The following EFCAB6 variants were observed in gnomAD, a reference collection of about 807,000 sequenced individuals.
EFCAB6 encodes EF-hand calcium-binding domain-containing protein 6.
EFCAB6 carries 156 observed loss-of-function variants against 169.8 expected under a neutral mutation model. The observed-to-expected ratio is 0.92, with a 90% confidence interval of 0.81 to 1.05. EFCAB6 has a LOEUF of 1.05. Among genes scored for constraint, EFCAB6 ranks in the 50% least tolerant of loss-of-function variants. EFCAB6 has a pLI of 0.00. For synonymous variants in EFCAB6, 698 were observed against 676.4 expected, an observed-to-expected ratio of 1.03 and a Z score of -0.50; for missense variants, 1,800 against 1,829.1, an observed-to-expected ratio of 0.98 and a Z score of 0.29.
At chr22:43,755,245 C>T (rs578177356) in intron 6 of EFCAB6, among the ~76,000 whole-genome samples, 19 of 152,364 alleles carry the variant, frequency 1.2e-4, no homozygotes, top group African/African-American at 4.6e-4. Flanking sequence ...TCCTCCCCGC[C>T]TTAGCTGTGT....
intron 25 of EFCAB6, 72 bp downstream of exon 25, chr22:43,580,392 A>G: frequency 6.6e-7 from 1 of 1,522,238 alleles, no homozygotes; most frequent in Non-Finnish European, 9.0e-7. Flanking sequence ...GAGGGGTTTC[A>G]GGGTGGGGCT....
chr22:43,775,519 T>C (rs1173139465), intron 3 of EFCAB6, among the ~76,000 whole-genome samples: 2 of 152,178 alleles, frequency 1.3e-5, no homozygotes, highest in Non-Finnish European at 2.9e-5. Context: ...CTTGGCTCAC[T>C]GCAACCTCCA....
At position 43,783,937 on chromosome 22, in the gene EFCAB6, G is replaced by A. The variant is rs545057258; in HGVS notation, c.-7-1612C>T. ...TAAAGAAGATTGACCAGGCATGGTG[G>A]CATGCACCCATGGTCTCAGCCACCA... On this transcript the variant is annotated intron_variant, in intron 2 of 31. Coordinates refer to ENST00000262726, the MANE Select transcript of EFCAB6 (RefSeq NM_022785.4). Among the ~76,000 whole-genome samples the A allele has an allele frequency of 3.3e-5, 5 of 152,190 alleles. No individual in the cohort carries two copies. In the East Asian group the frequency reaches 9.7e-4, roughly 29 times the overall value.
rs34928477 is a variant in EFCAB6 at position 43,791,371 on chromosome 22, CA to C, written c.-7-9047del. Among the ~76,000 whole-genome samples the C allele has an allele frequency of 4.5e-3, 522 of 114,890 alleles. 1 individual carries two copies. Among genetic ancestry groups the C allele is most frequent in the East Asian group, 0.011 (35 of 3,278 alleles). 75.4% of individuals were successfully genotyped at this position (114,890 alleles called of 152,430 possible). The stretch of plus-strand genomic sequence containing the variant: ...CTGGGTGATAGAAGTGAGACTGCCT[CA>C]AAAAAAAAAAAAAAGTTTCGGAATT... On this transcript the variant is annotated intron_variant, in intron 2 of 31. Coordinates refer to ENST00000262726, the MANE Select transcript of EFCAB6 (RefSeq NM_022785.4).
rs2061877269 is a variant in EFCAB6, at chr22:43,782,861, C to T, written c.-7-536G>A. ...AGCAATCTGGGGAGCATTTATTCCC[C>T]CAAAATGGCTGAATCTCAATATGAA... On this transcript the variant is annotated intron_variant, in intron 2 of 31. Transcript: ENST00000262726. 2.0e-5 allele frequency among the ~76,000 whole-genome samples: 3 copies of T among 152,124 alleles called. No homozygotes were observed. The South Asian group carries it at 6.2e-4, about 32-fold the overall frequency.
intron 26 of EFCAB6, among the ~76,000 whole-genome samples, chr22:43,557,663 C>T (rs2048787877): frequency 6.6e-6 from 1 of 151,868 alleles, no homozygotes; most frequent in South Asian, 2.1e-4. Flanking sequence ...AGTCATATTC[C>T]AATTATTGTA....
chr22:43,748,120 C>G (rs957380590), intron 6 of EFCAB6, among the ~76,000 whole-genome samples: 2 of 152,072 alleles, frequency 1.3e-5, no homozygotes, highest in African/African-American at 4.8e-5. Flanking sequence ...AGAGGGTGAC[C>G]GATGACTTCC....
chr22:43,741,693 A>T (rs1018742422), intron 6 of EFCAB6, among the ~76,000 whole-genome samples: 1 of 152,214 alleles, frequency 6.6e-6, no homozygotes, highest in African/African-American at 2.4e-5. Context: ...ATACATGCAG[A>T]GTGGATTCGC....
At chr22:43,748,823 T>A (rs1272846749) in intron 6 of EFCAB6, among the ~76,000 whole-genome samples, 2 of 152,168 alleles carry the variant, frequency 1.3e-5, no homozygotes, top group East Asian at 1.9e-4. Flanking sequence ...GAGAGCTCTC[T>A]CGGGCAGAGC....
At chr22:43,775,725 T>C (rs777876672) in intron 3 of EFCAB6, among the ~76,000 whole-genome samples, 2 of 152,200 alleles carry the variant, frequency 1.3e-5, no homozygotes, top group Non-Finnish European at 2.9e-5. Flanking sequence ...ATTACAGGCG[T>C]GAGCCACCGC....
intron 20 of EFCAB6, among the ~76,000 whole-genome samples, chr22:43,625,608 CTG>C (rs1440312385): frequency 6.6e-6 from 1 of 152,196 alleles, no homozygotes; most frequent in Non-Finnish European, 1.5e-5. Flanking sequence ...CAGCTGGACA[CTG>C]AGATTCTCCT....
chr22:43,675,386 C>G (rs1274433687), intron 13 of EFCAB6, among the ~76,000 whole-genome samples: 1 of 47,844 alleles, frequency 2.1e-5, no homozygotes, highest in East Asian at 1.4e-3. Flanking sequence ...CTATATTATA[C>G]TATAATATAT....
At chr22:43,605,594 GA>G (rs137716) in intron 22 of EFCAB6, among the ~76,000 whole-genome samples, 152,156 of 152,158 alleles carry the variant, frequency 1, 76,077 homozygotes, top group Non-Finnish European at 1. Context: ...AGTGAGCTGA[GA>G]ATCGTGCCAC....
At chr22:43,596,433 T>C (rs1157937786) in intron 23 of EFCAB6, among the ~76,000 whole-genome samples, 1 of 152,020 alleles carries the variant, frequency 6.6e-6, no homozygotes, top group Non-Finnish European at 1.5e-5. Flanking sequence ...CAAAAATCAG[T>C]AGCATTTCTA....
chr22:43,811,379 G>GGAGA (rs2063119547), intron 1 of EFCAB6, among the ~76,000 whole-genome samples: 1 of 136,836 alleles, frequency 7.3e-6, no homozygotes, highest in Non-Finnish European at 1.6e-5. Context: ...GGGAAGGGAG[G>GGAGA]GGAGGGGAGG....
intron 8 of EFCAB6, among the ~76,000 whole-genome samples, chr22:43,726,187 T>C (rs1383754558): frequency 1.3e-5 from 2 of 148,250 alleles, no homozygotes; most frequent in South Asian, 2.1e-4. Flanking sequence ...AAAAAAGGGA[T>C]GTCCATAGCA....
chr22:43,716,828 G>A lies in EFCAB6; in HGVS notation c.882+20C>T, dbSNP rs746514115. ...CTGTGTTTACTCTGTAGGTAATTGT[G>A]GCTTAGGAAAACATCTTACTTGTAG... is the stretch of plus-strand genomic sequence containing the variant. On this transcript the variant is annotated intron_variant, in intron 9 of 31. Coordinates refer to ENST00000262726, the MANE Select transcript of EFCAB6 (RefSeq NM_022785.4). 4.3e-5 allele frequency: 69 copies of A among 1,593,464 alleles called. No individual in the cohort carries two copies. Among genetic ancestry groups the A allele is most frequent in the Non-Finnish European group, 5.8e-5 (68 of 1,172,372 alleles).
chr22:43,765,617 G>A (rs2061303641), intron 4 of EFCAB6, among the ~76,000 whole-genome samples: 1 of 152,062 alleles, frequency 6.6e-6, no homozygotes. Context: ...ATGCCAGTCT[G>A]TGCCCAACTG....
rs767129081 is a variant in EFCAB6, at chr22:43,580,623, G to A, written c.3069C>T (p.Tyr1023=). The A allele has an allele frequency of 1.2e-6, 2 of 1,614,090 alleles. No homozygotes were observed. The highest frequency in any genetic ancestry group is 1.7e-6 in the Non-Finnish European group (2 of 1,180,020). The change falls in exon 25 of 32, where the codon TAC becomes TAT. Residue 1023 remains tyrosine, a synonymous_variant. Transcript: ENST00000262726. ...GVSRHDNAIN[Y]LDFLRAVENS... is the part of the protein sequence containing the mutation. The stretch of plus-strand genomic sequence containing the variant: ...TCTCCACTGCTCTCAGGAAGTCGAG[G>A]TAATTGATAGCATTATCATGCCGGC...
Sources: allele counts gnomAD v4.1 joint callset (sites outside exome capture counted in the v4.1 genomes callset), GRCh38; gene constraint gnomAD v4.1.1; transcripts MANE v1.5; gene names NCBI Gene and HGNC (gene_info 2026-07-23, HGNC 2026-07-21).